GET1: variants seen among roughly 807,000 people sequenced by gnomAD.
GET1 encodes the protein congenital heart disease 5 protein.
Under a neutral mutation model 22.6 loss-of-function variants are expected in GET1, and 20 were observed. That is an observed-to-expected ratio of 0.89 (90% CI 0.62 to 1.29). The LOEUF is 1.29. Ranked by LOEUF, GET1 falls within the 50% of genes most tolerant of loss-of-function variation. GET1 has a pLI of 0.00. For synonymous variants in GET1, 92 were observed against 83.8 expected (o/e 1.10, Z -0.53); for missense variants, 209 against 219.9 (o/e 0.95, Z 0.31).
intron 1 of GET1, among the ~76,000 whole-genome samples, chr21:39,387,069 C>T (rs374409166): frequency 5.3e-4 from 80 of 152,216 alleles, no homozygotes; most frequent in African/African-American, 1.9e-3. Flanking sequence ...TATGTTGCCC[C>T]GCCTGGTCTC....
chr21:39,425,062 C>A (rs1189769262), intron 1 of GET1, among the ~76,000 whole-genome samples: 2 of 152,106 alleles, frequency 1.3e-5, no homozygotes, highest in Admixed American at 6.5e-5. Context: ...TATGTGTGCA[C>A]CTGTGTATGT....
intron 2 of GET1, 184 bp downstream of exon 2, chr21:39,391,047 C>T (rs569609671): frequency 1.6e-4 from 89 of 565,144 alleles, no homozygotes; most frequent in African/African-American, 1.4e-3. Context: ...TGAACCTTTG[C>T]TTTCTAAGCA....
chr21:39,385,715 G>A (rs1016459607), intron 1 of GET1, among the ~76,000 whole-genome samples: 3 of 151,630 alleles, frequency 2.0e-5, no homozygotes, highest in Non-Finnish European at 4.4e-5. Flanking sequence ...GGACTGGCCC[G>A]GGCTCAAGGT....
chr21:39,425,875 G>A (rs981103176), intron 1 of GET1: 1 of 152,270 alleles, frequency 6.6e-6, no homozygotes, highest in Non-Finnish European at 1.5e-5. Flanking sequence ...CTCAAGTGAT[G>A]GGAGGGCAGA....
intron 1 of GET1, among the ~76,000 whole-genome samples, chr21:39,421,368 G>A (rs1000611342): frequency 2.6e-5 from 4 of 152,138 alleles, no homozygotes; most frequent in African/African-American, 7.2e-5. Flanking sequence ...TATTACGGGC[G>A]AGAGGCCACT....
chr21:39,406,359 G>C lies in GET1; in HGVS notation c.*375G>C, dbSNP rs142555845. The C allele has an allele frequency of 2.8e-4, 459 of 1,614,154 alleles. 5 individuals are homozygous for C. The African/African-American group carries it at 4.8e-3, about 17-fold the overall frequency. On this transcript the variant is annotated 3_prime_UTR_variant, in exon 5 of 5. Transcript: ENST00000415847. ...TTTGTCTGAGGGGGCCTTTCGTGTA[G>C]GGAGCAGTGCCTTTGCCAAGTGTGT...
At chr21:39,387,586 G>T (rs1301218264) in intron 1 of GET1, among the ~76,000 whole-genome samples, 1 of 152,118 alleles carries the variant, frequency 6.6e-6, no homozygotes, top group Non-Finnish European at 1.5e-5. Flanking sequence ...AAGAGAGCTG[G>T]ATTTGAACCC....
intron 1 of GET1, among the ~76,000 whole-genome samples, chr21:39,414,713 CCTCTCTCT>C (rs147915021): frequency 3.7e-4 from 44 of 119,954 alleles, no homozygotes; most frequent in Non-Finnish European, 5.3e-4. Context: ...TGGTTCTCTC[CCTCTCTCT>C]CTCTCTCTCT....
At chr21:39,424,524 A>T (rs1325881841) in intron 1 of GET1, among the ~76,000 whole-genome samples, 7 of 152,162 alleles carry the variant, frequency 4.6e-5, no homozygotes, top group Admixed American at 4.6e-4. Flanking sequence ...GAAATTTACT[A>T]AGTGCTTATC....
exon 5 of GET1, chr21:39,406,091 G>A: frequency 6.2e-7 from 1 of 1,614,166 alleles, no homozygotes; most frequent in African/African-American, 1.3e-5. Context: ...GATCCAAAGA[G>A]TTCTTCCATG....
At chr21:39,394,728 A>C (rs1253651922) in intron 4 of GET1, among the ~76,000 whole-genome samples, 2 of 151,676 alleles carry the variant, frequency 1.3e-5, no homozygotes, top group Non-Finnish European at 2.9e-5. Context: ...ATTCACACGG[A>C]CTCTGCCCTT....
chr21:39,405,897 T>C, intron 4 of GET1: 28 of 1,578,846 alleles, frequency 1.8e-5, no homozygotes, highest in Non-Finnish European at 2.4e-5. Context: ...TAATTATTTT[T>C]CTTTTTCCTT....
intron 1 of GET1, among the ~76,000 whole-genome samples, chr21:39,385,676 G>A (rs1423221384): frequency 2.6e-5 from 4 of 152,210 alleles, no homozygotes; most frequent in Admixed American, 6.5e-5. Context: ...GAGGGTCCAT[G>A]CGAACGGCAC....
intron 1 of GET1, chr21:39,421,806 AAAACAGTTTTCCTCCACT>A (rs2073814245): frequency 6.6e-6 from 1 of 151,804 alleles, no homozygotes; most frequent in Admixed American, 6.6e-5. Flanking sequence ...TTTGGTCCAC[AAAACAGTTTTCCTCCACT>A]AAATGCCTAC....
At chr21:39,387,772 G>C in intron 1 of GET1, 2 of 984,776 alleles carry the variant, frequency 2.0e-6, no homozygotes, top group Non-Finnish European at 2.4e-6. Flanking sequence ...CGCATGCGCA[G>C]ACACCCTCAG....
intron 1 of GET1, among the ~76,000 whole-genome samples, chr21:39,417,654 C>T (rs2147459043): frequency 6.6e-6 from 1 of 152,254 alleles, no homozygotes; most frequent in East Asian, 1.9e-4. Context: ...GCTGGGGAGG[C>T]CTCACAATCA....
At chr21:39,419,337 CA>C (rs1601800583) in intron 1 of GET1, among the ~76,000 whole-genome samples, 2 of 151,956 alleles carry the variant, frequency 1.3e-5, no homozygotes, top group Non-Finnish European at 2.9e-5. Flanking sequence ...CCAGCCTGGG[CA>C]ACACAGCGAG....
At chr21:39,406,678 T>C (rs1210771677), downstream of GET1, 5 of 1,269,940 alleles carry the variant, frequency 3.9e-6, no homozygotes, top group East Asian at 6.9e-5. Context: ...CAAGATGGCA[T>C]GTCTAGTACA....
Position 39,396,904 on chromosome 21 carries a change from A to G in GET1, c.490A>G (p.Lys164Glu). 6.2e-7 allele frequency: 1 copy of G among 1,614,068 alleles called. No individual in the cohort carries two copies. The highest frequency in any genetic ancestry group is 8.5e-7 in the Non-Finnish European group (1 of 1,180,022). Residue 164 changes from lysine (K) to glutamate (E), a missense_variant, in exon 5 of 5, where the codon AAA becomes GAA. Physicochemically the swap from Lys to Glu is moderately conservative, Grantham distance 56 (BLOSUM62 1). Coordinates refer to ENST00000649170, the MANE Select transcript of GET1 (RefSeq NM_004627.6). ...TACCTGTTGGATTTTAGTCTGTAACAAAGTTGTCGCTATTGTGCTTCATCC... is the reference window on the plus strand; with the variant it reads ...TACCTGTTGGATTTTAGTCTGTAACGAAGTTGTCGCTATTGTGCTTCATCC... Reference protein sequence around the residue: ...GITCWILVCNKVVAIVLHPFS With the variant: ...GITCWILVCNEVVAIVLHPFS
Sources: allele counts gnomAD v4.1 joint callset (sites outside exome capture counted in the v4.1 genomes callset), GRCh38; gene constraint gnomAD v4.1.1; transcripts MANE v1.5; gene names NCBI Gene and HGNC (gene_info 2026-07-23, HGNC 2026-07-21).